The following SLX4IP variants were observed in gnomAD, a reference collection of about 807,000 sequenced individuals.
SLX4IP encodes the protein protein SLX4IP.
A neutral mutation model predicts 32.9 loss-of-function variants in SLX4IP; 34 were observed. The observed-to-expected ratio is 1.03, with a 90% confidence interval of 0.79 to 1.38. The LOEUF is 1.38. Among genes scored for constraint, SLX4IP ranks in the 40% most tolerant of loss-of-function variants. The pLI, the probability that SLX4IP is intolerant of heterozygous loss-of-function variation, is 0.00. For synonymous variants in SLX4IP, 172 were observed against 171.7 expected (o/e 1.00, Z -0.01); for missense variants, 444 against 479.0 (o/e 0.93, Z 0.68).
intron 2 of SLX4IP, among the ~76,000 whole-genome samples, chr20:10,536,196 A>G (rs1023147209): frequency 6.6e-6 from 1 of 152,206 alleles, no homozygotes; most frequent in Admixed American, 6.5e-5. Flanking sequence ...GACAAGTTTT[A>G]TAGCTAGTAT....
intron 4 of SLX4IP, among the ~76,000 whole-genome samples, chr20:10,583,971 G>T (rs2066615921): frequency 6.6e-6 from 1 of 152,120 alleles, no homozygotes; most frequent in Admixed American, 6.5e-5. Context: ...TTAAATCTAA[G>T]TCTATGTAAG....
chr20:10,571,294 A>G (rs2066463043), intron 4 of SLX4IP, among the ~76,000 whole-genome samples: 1 of 152,172 alleles, frequency 6.6e-6, no homozygotes, highest in South Asian at 2.1e-4. Context: ...TCTTCCAGCT[A>G]GACCTGCAGT....
chr20:10,512,417 A>ATT (rs543504585), intron 2 of SLX4IP, among the ~76,000 whole-genome samples: 1 of 150,012 alleles, frequency 6.7e-6, no homozygotes, highest in Non-Finnish European at 1.5e-5. Context: ...CACTTTAAGT[A>ATT]TTTTTTTTTA....
intron 2 of SLX4IP, among the ~76,000 whole-genome samples, chr20:10,504,083 C>T (rs922819810): frequency 1.2e-4 from 18 of 152,316 alleles, no homozygotes; most frequent in African/African-American, 3.8e-4. Context: ...GAGAAAGAAG[C>T]AGCAGCCATG....
intron 6 of SLX4IP, among the ~76,000 whole-genome samples, chr20:10,618,467 G>A (rs1352078959): frequency 6.6e-6 from 1 of 152,180 alleles, no homozygotes; most frequent in African/African-American, 2.4e-5. Context: ...AGTATACCAA[G>A]GAATGATATT....
rs1555807614 is a variant in SLX4IP at position 10,479,352 on chromosome 20, C to CTTTTTTCTTTTTTTTTTTTTTTTTT, written c.27+21127_27+21128insCTTTTTTTTTTTTTTTTTTTTTTTT. Among the ~76,000 whole-genome samples the CTTTTTTCTTTTTTTTTTTTTTTTTT allele has an allele frequency of 2.7e-5, 2 of 73,726 alleles. 1 individual carries two copies. The highest frequency in any genetic ancestry group is 6.7e-5 in the Non-Finnish European group (2 of 29,924). 48.4% of individuals were successfully genotyped at this position (73,726 alleles called of 152,430 possible). On this transcript the variant is annotated intron_variant, in intron 2 of 7. Transcript: ENST00000334534. ...TTCTCATCGCTCAAATTCCATATTTCTTTTTTTTTTTTTTTTTTGAGATGG... is the reference window on the plus strand; with the variant it reads ...TTCTCATCGCTCAAATTCCATATTTCTTTTTTCTTTTTTTTTTTTTTTTTTTTTTTTTTTTTTTTTTTTGAGATGG...
intron 2 of SLX4IP, among the ~76,000 whole-genome samples, chr20:10,529,036 C>T (rs1486975171): frequency 1.3e-5 from 2 of 152,160 alleles, no homozygotes; most frequent in Non-Finnish European, 2.9e-5. Context: ...GTGAATTGTT[C>T]AGATGGGTTT....
At chr20:10,541,970 G>T (rs1220890758) in intron 2 of SLX4IP, among the ~76,000 whole-genome samples, 1 of 152,162 alleles carries the variant, frequency 6.6e-6, no homozygotes, top group African/African-American at 2.4e-5. Context: ...GTCACTAAAA[G>T]GTCAAGTACT....
intron 2 of SLX4IP, among the ~76,000 whole-genome samples, chr20:10,555,880 G>A (rs2066261719): frequency 6.6e-6 from 1 of 152,180 alleles, no homozygotes; most frequent in Non-Finnish European, 1.5e-5. Flanking sequence ...ATTCTTTTGT[G>A]GAGCCTACCT....
intron 1 of SLX4IP, among the ~76,000 whole-genome samples, chr20:10,446,334 C>G (rs186105619): frequency 8.0e-5 from 12 of 150,388 alleles, no homozygotes; most frequent in African/African-American, 2.7e-4. Flanking sequence ...ATCACTTGAA[C>G]TCGGAGGGCA....
intron 4 of SLX4IP, among the ~76,000 whole-genome samples, chr20:10,572,251 A>G (rs764637454): frequency 4.9e-4 from 74 of 152,134 alleles, no homozygotes; most frequent in Non-Finnish European, 9.9e-4. Flanking sequence ...GCCACATGAA[A>G]ACTCCACTGT....
chr20:10,473,785 T>C (rs950662326), intron 2 of SLX4IP, among the ~76,000 whole-genome samples: 4 of 151,924 alleles, frequency 2.6e-5, no homozygotes, highest in East Asian at 1.9e-4. Flanking sequence ...AAAAAATGTT[T>C]AGTAGAGACG....
intron 4 of SLX4IP, among the ~76,000 whole-genome samples, chr20:10,565,569 C>T (rs147853626): frequency 1.3e-5 from 2 of 152,276 alleles, no homozygotes; most frequent in East Asian, 3.9e-4. Flanking sequence ...TGGTTGTCTC[C>T]TAGTTACAAG....
intron 2 of SLX4IP, among the ~76,000 whole-genome samples, chr20:10,482,955 ATG>A (rs538856098): frequency 5.9e-5 from 9 of 152,162 alleles, no homozygotes; most frequent in Non-Finnish European, 1.3e-4. Context: ...AATTTTCAGA[ATG>A]GTGATGATGC....
chr20:10,604,537 G>T (rs2066882641), intron 6 of SLX4IP, among the ~76,000 whole-genome samples: 1 of 152,262 alleles, frequency 6.6e-6, no homozygotes, highest in South Asian at 2.1e-4. Flanking sequence ...AGTACTTAAA[G>T]GTGGTTGCAC....
chr20:10,586,453 G>A (rs761058092), intron 4 of SLX4IP, among the ~76,000 whole-genome samples: 34 of 152,294 alleles, frequency 2.2e-4, no homozygotes, highest in Middle Eastern at 3.4e-3. Context: ...GGTTATCTGC[G>A]ATTGGCTGAA....
intron 1 of SLX4IP, among the ~76,000 whole-genome samples, chr20:10,446,453 A>G (rs1187244932): frequency 6.6e-6 from 1 of 151,848 alleles, no homozygotes; most frequent in African/African-American, 2.4e-5. Flanking sequence ...ACATTTTTGA[A>G]CAAGTTTTTA....
chr20:10,527,255 G>T (rs2065947949), intron 2 of SLX4IP, among the ~76,000 whole-genome samples: 1 of 152,184 alleles, frequency 6.6e-6, no homozygotes, highest in Non-Finnish European at 1.5e-5. Context: ...GCCCATGAGG[G>T]TCCTAACTTA....
intron 2 of SLX4IP, among the ~76,000 whole-genome samples, chr20:10,480,173 G>C (rs1419160737): frequency 2.0e-5 from 3 of 152,156 alleles, no homozygotes; most frequent in Non-Finnish European, 4.4e-5. Context: ...TGGGCAGAAC[G>C]CTTGAACCCA....
Sources: allele counts gnomAD v4.1 joint callset (sites outside exome capture counted in the v4.1 genomes callset), GRCh38; gene constraint gnomAD v4.1.1; transcripts MANE v1.5; gene names NCBI Gene and HGNC (gene_info 2026-07-23, HGNC 2026-07-21).